PRKG1: variants seen among roughly 807,000 people sequenced by gnomAD.
PRKG1 encodes cGMP-dependent protein kinase 1.
In PRKG1, 35 loss-of-function variants were observed where a neutral mutation model predicts 88.1. The ratio of observed to expected loss-of-function variants is 0.40; its 90% CI spans 0.30 to 0.53. The LOEUF (loss-of-function observed/expected upper bound fraction) is 0.53. Among genes scored for constraint, PRKG1 ranks in the 20% least tolerant of loss-of-function variants. The probability of loss-of-function intolerance (pLI) is 0.59; values close to 1 mark genes in which losing one functional copy is unlikely to be tolerated. For missense variants in PRKG1, 540 were observed against 839.8 expected (o/e 0.64, Z 4.41); for synonymous variants, 303 against 292.5 (o/e 1.04, Z -0.37).
At chr10:51,039,677 A>G (rs1160776035) in intron 1 of PRKG1, among the ~76,000 whole-genome samples, 2 of 152,150 alleles carry the variant, frequency 1.3e-5, no homozygotes, top group East Asian at 3.9e-4. Flanking sequence ...TGCTCAGACC[A>G]GTGTCCTGGA....
intron 2 of PRKG1, among the ~76,000 whole-genome samples, chr10:51,327,743 G>A (rs1841628775): frequency 6.6e-6 from 1 of 152,138 alleles, no homozygotes. Flanking sequence ...ACAATGATAA[G>A]TATCTGAGTA....
chr10:52,042,484 C>T (rs1845775174), intron 5 of PRKG1, among the ~76,000 whole-genome samples: 2 of 152,046 alleles, frequency 1.3e-5, no homozygotes, highest in Admixed American at 1.3e-4. Context: ...TGAACAGTCT[C>T]TTCAATAAAT....
intron 1 of PRKG1, among the ~76,000 whole-genome samples, chr10:50,994,584 C>T (rs942931305): frequency 2.6e-5 from 4 of 151,848 alleles, no homozygotes; most frequent in Non-Finnish European, 4.4e-5. Context: ...TTCTGAAGGG[C>T]ATGCTGGGGC....
At chr10:51,151,857 G>T (rs1247498513) in intron 1 of PRKG1, among the ~76,000 whole-genome samples, 1 of 152,002 alleles carries the variant, frequency 6.6e-6, no homozygotes, top group Admixed American at 6.6e-5. Context: ...TGGATGAAAA[G>T]CCTCCCAGAA....
intron 1 of PRKG1, among the ~76,000 whole-genome samples, chr10:51,040,144 T>C (rs574736847): frequency 6.6e-6 from 1 of 152,044 alleles, no homozygotes; most frequent in African/African-American, 2.4e-5. Flanking sequence ...GGGATTGCAT[T>C]GAATCCATAG....
intron 9 of PRKG1, among the ~76,000 whole-genome samples, chr10:52,229,544 C>A (rs1417981444): frequency 1.3e-5 from 2 of 152,166 alleles, no homozygotes; most frequent in Non-Finnish European, 2.9e-5. Context: ...CTTGGCAACT[C>A]TGATTTTGGC....
chr10:51,615,212 G>GT (rs1017527515), intron 3 of PRKG1, among the ~76,000 whole-genome samples: 9 of 152,036 alleles, frequency 5.9e-5, no homozygotes, highest in African/African-American at 1.7e-4. Flanking sequence ...AGGCTGATGG[G>GT]TTTTTTAAGG....
chr10:51,224,710 G>T (rs547674409), intron 2 of PRKG1, among the ~76,000 whole-genome samples: 2 of 152,054 alleles, frequency 1.3e-5, no homozygotes, highest in Admixed American at 6.6e-5. Context: ...TGGATTACAG[G>T]GTACTTAGAA....
At chr10:51,906,255 C>T (rs1160140808) in intron 4 of PRKG1, among the ~76,000 whole-genome samples, 1 of 152,098 alleles carries the variant, frequency 6.6e-6, no homozygotes, top group Non-Finnish European at 1.5e-5. Context: ...TTTTTCTCCT[C>T]ATTATATGTT....
chr10:51,683,615 A>G (rs1049852331), intron 3 of PRKG1, among the ~76,000 whole-genome samples: 8 of 152,152 alleles, frequency 5.3e-5, no homozygotes, highest in Non-Finnish European at 1.2e-4. Context: ...GGATCTTGCA[A>G]TGAGCTGATG....
At chr10:51,433,534 T>C (rs1033969) in intron 2 of PRKG1, among the ~76,000 whole-genome samples, 72,688 of 151,930 alleles carry the variant, frequency 0.48, 17,853 homozygotes, top group Non-Finnish European at 0.54. Flanking sequence ...TAATGAATGA[T>C]GAAAATCACA....
At chr10:51,446,510 T>C (rs1839276367) in intron 2 of PRKG1, among the ~76,000 whole-genome samples, 2 of 152,034 alleles carry the variant, frequency 1.3e-5, no homozygotes. Flanking sequence ...TTCTTCAATT[T>C]CTAAAATGTG....
chr10:52,204,745 C>T (rs909773975), intron 9 of PRKG1, among the ~76,000 whole-genome samples: 7 of 152,018 alleles, frequency 4.6e-5, no homozygotes, highest in South Asian at 2.1e-4. Flanking sequence ...AAATTGTGCA[C>T]GCAAATTGTG....
chr10:51,097,984 C>T (rs899363511), intron 1 of PRKG1, among the ~76,000 whole-genome samples: 7 of 152,220 alleles, frequency 4.6e-5, no homozygotes, highest in East Asian at 1.9e-4. Context: ...GGAAGTATCA[C>T]GGAAAGATCA....
chr10:51,342,003 G>T (rs1454292408), intron 2 of PRKG1, among the ~76,000 whole-genome samples: 1 of 152,118 alleles, frequency 6.6e-6, no homozygotes, highest in Admixed American at 6.5e-5. Context: ...TATACATAGG[G>T]ATTATTACAA....
At chr10:52,211,063 C>T (rs1360076369) in intron 9 of PRKG1, among the ~76,000 whole-genome samples, 2 of 152,264 alleles carry the variant, frequency 1.3e-5, no homozygotes, top group Middle Eastern at 3.4e-3. Flanking sequence ...CAATGAAATT[C>T]TACTTGGATT....
chr10:51,007,000 A>G (rs2339685), intron 1 of PRKG1, among the ~76,000 whole-genome samples: 133,834 of 148,966 alleles, frequency 0.9, 60,265 homozygotes, highest in African/African-American at 0.97. Context: ...GTGCAGTGGT[A>G]CGATCTCAGC....
Position 51,949,759 on chromosome 10 carries a change from C to T in PRKG1, c.762+42189C>T, listed in dbSNP as rs75194405. Among the ~76,000 whole-genome samples, 647 of 152,272 alleles carry T rather than the reference C, an allele frequency of 4.2e-3. 6 individuals carry two copies. The highest frequency in any genetic ancestry group is 0.015 in the African/African-American group (618 of 41,554). Reference sequence around the variant, plus strand: ...GAAGTCTCCAGGTTCGACTTACCTGCAGACATAAATTAAATCATGTTTACA... The same window carrying T: ...GAAGTCTCCAGGTTCGACTTACCTGTAGACATAAATTAAATCATGTTTACA... On this transcript the variant is annotated intron_variant, in intron 5 of 17. Transcript: ENST00000373980.
chr10:51,802,909 A>G (rs1839212067), intron 3 of PRKG1, among the ~76,000 whole-genome samples: 1 of 152,140 alleles, frequency 6.6e-6, no homozygotes, highest in African/African-American at 2.4e-5. Context: ...GTGCAGCAAC[A>G]CTACGGAAAG....
Sources: gnomAD v4.1 joint callset for allele counts (sites outside exome capture counted in the v4.1 genomes callset) on GRCh38, gnomAD v4.1.1 for gene constraint, MANE v1.5 for transcripts, NCBI Gene and HGNC (gene_info 2026-07-23, HGNC 2026-07-21) for gene names.